The following MACROD2 variants were observed in gnomAD, a reference collection of about 807,000 sequenced individuals.
MACROD2 encodes ADP-ribose glycohydrolase MACROD2.
MACROD2 carries 36 observed loss-of-function variants against 70.4 expected under a neutral mutation model. That is an observed-to-expected ratio of 0.51 (90% CI 0.39 to 0.68). The LOEUF (loss-of-function observed/expected upper bound fraction) is 0.68. Among genes scored for constraint, MACROD2 ranks in the 30% least tolerant of loss-of-function variants. The pLI is 0.00. For missense variants in MACROD2, 496 were observed against 538.4 expected (o/e 0.92, Z 0.78); for synonymous variants, 172 against 178.8 (o/e 0.96, Z 0.30).
At chr20:15,612,204 T>A (rs773034984) in intron 8 of MACROD2, among the ~76,000 whole-genome samples, 1 of 152,182 alleles carries the variant, frequency 6.6e-6, no homozygotes, top group African/African-American at 2.4e-5. Context: ...CCAATACAGC[T>A]ATAGCATGAG....
At chr20:15,868,443 G>C (rs1180405968) in intron 9 of MACROD2, among the ~76,000 whole-genome samples, 1 of 152,042 alleles carries the variant, frequency 6.6e-6, no homozygotes, top group Non-Finnish European at 1.5e-5. Flanking sequence ...CATGAATCTA[G>C]AGTAATAATC....
intron 13 of MACROD2, chr20:15,985,960 G>C (rs1050289267): frequency 6.6e-6 from 1 of 152,274 alleles, no homozygotes; most frequent in African/African-American, 2.4e-5. Context: ...GAGCAAGCAG[G>C]GGGTACGTGA....
intron 5 of MACROD2, chr20:15,021,605 G>A (rs1682264332): frequency 1.3e-5 from 2 of 151,754 alleles, no homozygotes. Context: ...CAGGGGCCAT[G>A]CTAATATTCT....
intron 5 of MACROD2, among the ~76,000 whole-genome samples, chr20:15,121,523 A>T (rs1398950602): frequency 6.6e-6 from 1 of 151,482 alleles, no homozygotes; most frequent in Non-Finnish European, 1.5e-5. Context: ...CAAAAAAAAA[A>T]AAAAAAAGAA....
chr20:14,231,530 A>G (rs534250758), intron 3 of MACROD2, among the ~76,000 whole-genome samples: 2,503 of 152,064 alleles, frequency 0.016, 31 homozygotes, highest in Middle Eastern at 0.051. Flanking sequence ...TTCTTAATCC[A>G]GTCTATCATT....
chr20:15,234,149 A>T (rs2076991830), intron 6 of MACROD2, among the ~76,000 whole-genome samples: 1 of 136,530 alleles, frequency 7.3e-6, no homozygotes, highest in Non-Finnish European at 1.6e-5. Context: ...CTCCTGCCTC[A>T]GCCTCCCGAG....
chr20:14,046,236 C>T (rs767018410), intron 2 of MACROD2, among the ~76,000 whole-genome samples: 23 of 152,312 alleles, frequency 1.5e-4, no homozygotes, highest in Non-Finnish European at 4.4e-5. Flanking sequence ...AGACTGGCAG[C>T]AGACCTCTAA....
chr20:15,165,451 A>C (rs2076377264), intron 5 of MACROD2, among the ~76,000 whole-genome samples: 1 of 152,212 alleles, frequency 6.6e-6, no homozygotes, highest in African/African-American at 2.4e-5. Flanking sequence ...GCAAAACTGC[A>C]TCTAAAAAAG....
At chr20:14,173,884 T>A (rs1016659599) in intron 3 of MACROD2, among the ~76,000 whole-genome samples, 1 of 152,144 alleles carries the variant, frequency 6.6e-6, no homozygotes, top group Non-Finnish European at 1.5e-5. Flanking sequence ...TGATTGTTAT[T>A]TCTCTTCTGG....
intron 5 of MACROD2, among the ~76,000 whole-genome samples, chr20:14,778,106 T>C (rs2072255744): frequency 6.6e-6 from 1 of 152,122 alleles, no homozygotes; most frequent in Non-Finnish European, 1.5e-5. Flanking sequence ...GCTAAGTCAC[T>C]TGTCCCAAGT....
chr20:14,501,036 GA>G (rs11483849), intron 4 of MACROD2, among the ~76,000 whole-genome samples: 31 of 143,246 alleles, frequency 2.2e-4, no homozygotes, highest in East Asian at 1.6e-3. Context: ...ATTTCTAAAT[GA>G]AAAAAAAAAA....
chr20:15,281,517 T>G (rs1034041649), intron 6 of MACROD2, among the ~76,000 whole-genome samples: 2 of 152,142 alleles, frequency 1.3e-5, no homozygotes, highest in Non-Finnish European at 2.9e-5. Flanking sequence ...GGCTACAGGC[T>G]CCATGCAAGT....
At chr20:14,039,810 T>C (rs2053366597) in intron 2 of MACROD2, among the ~76,000 whole-genome samples, 1 of 152,044 alleles carries the variant, frequency 6.6e-6, no homozygotes, top group Non-Finnish European at 1.5e-5. Context: ...CATCTGTTTT[T>C]TTTTTTTTAT....
chr20:14,912,552 G>A (rs1304248503), intron 5 of MACROD2, among the ~76,000 whole-genome samples: 1 of 152,132 alleles, frequency 6.6e-6, no homozygotes, highest in Non-Finnish European at 1.5e-5. Context: ...GCCACAGTAA[G>A]AGACCAATAA....
At chr20:14,441,635 C>T (rs1171913285) in intron 3 of MACROD2, among the ~76,000 whole-genome samples, 1 of 152,084 alleles carries the variant, frequency 6.6e-6, no homozygotes, top group East Asian at 1.9e-4. Flanking sequence ...CTGCATCATA[C>T]AAGTCAGTTT....
At chr20:15,583,358 G>A (rs895597028) in intron 8 of MACROD2, among the ~76,000 whole-genome samples, 5 of 152,244 alleles carry the variant, frequency 3.3e-5, no homozygotes, top group Non-Finnish European at 7.3e-5. Flanking sequence ...ATGTATCAAA[G>A]CTAATGTCCC....
intron 4 of MACROD2, among the ~76,000 whole-genome samples, chr20:14,568,628 A>G (rs1183627408): frequency 6.6e-6 from 1 of 152,060 alleles, no homozygotes; most frequent in Non-Finnish European, 1.5e-5. Flanking sequence ...AATCTTTATA[A>G]TTAGAAAAAA....
chr20:14,920,085 C>T (rs933288188), intron 5 of MACROD2, among the ~76,000 whole-genome samples: 2 of 152,152 alleles, frequency 1.3e-5, no homozygotes, highest in Non-Finnish European at 2.9e-5. Flanking sequence ...GAAACCTCTT[C>T]CCCTTGCTGA....
At chr20:14,191,614 T>A (rs2081388755) in intron 3 of MACROD2, among the ~76,000 whole-genome samples, 1 of 151,942 alleles carries the variant, frequency 6.6e-6, no homozygotes, top group Admixed American at 6.6e-5. Context: ...ATGCAGAAAG[T>A]GGAGAAACTA....
Sources: allele counts gnomAD v4.1 joint callset (sites outside exome capture counted in the v4.1 genomes callset), GRCh38; gene constraint gnomAD v4.1.1; transcripts MANE v1.5; gene names NCBI Gene and HGNC (gene_info 2026-07-23, HGNC 2026-07-21).